Variants in HSPA12A observed in about 807,000 individuals in gnomAD.
HSPA12A encodes heat shock protein family A (Hsp70) member 12A.
HSPA12A carries 28 observed loss-of-function variants against 69.2 expected under a neutral mutation model. The ratio of observed to expected loss-of-function variants is 0.40; its 90% CI spans 0.30 to 0.55. The LOEUF (loss-of-function observed/expected upper bound fraction) is 0.55. HSPA12A is among the 20% of genes least tolerant of loss of function. HSPA12A has a pLI of 0.38. For synonymous variants in HSPA12A, 345 were observed against 370.5 expected, an observed-to-expected ratio of 0.93 and a Z score of 0.79; for missense variants, 686 against 900.7, an observed-to-expected ratio of 0.76 and a Z score of 3.05.
chr10:116,682,468 CA>C (rs1317346897), intron 7 of HSPA12A, among the ~76,000 whole-genome samples: 4 of 149,966 alleles, frequency 2.7e-5, no homozygotes, highest in African/African-American at 1.0e-4. Flanking sequence ...GGGGGGGGGC[CA>C]TTTCCTGACC....
intron 1 of HSPA12A, among the ~76,000 whole-genome samples, chr10:116,732,151 T>C (rs1851171052): frequency 6.6e-6 from 1 of 151,890 alleles, no homozygotes; most frequent in South Asian, 2.1e-4. Flanking sequence ...GCCAACGTGA[T>C]GAAACGCCGT....
At chr10:116,745,983 C>T (rs538951689), upstream of HSPA12A, among the ~76,000 whole-genome samples, 20 of 152,272 alleles carry the variant, frequency 1.3e-4, no homozygotes, top group African/African-American at 4.3e-4. Flanking sequence ...AGGTCACCCA[C>T]CTCCCCCTCT....
intron 1 of HSPA12A, among the ~76,000 whole-genome samples, chr10:116,835,998 G>A (rs1352152777): frequency 1.3e-5 from 2 of 152,084 alleles, no homozygotes; most frequent in African/African-American, 4.8e-5. Flanking sequence ...AAGAGAAAAC[G>A]GCTCATCATG....
chr10:116,699,686 C>T (rs967391643), intron 4 of HSPA12A, among the ~76,000 whole-genome samples: 1 of 152,214 alleles, frequency 6.6e-6, no homozygotes, highest in African/African-American at 2.4e-5. Context: ...GATACCCCAG[C>T]TTTAGGGCAG....
chr10:116,764,219 C>T (rs1302617362), intron 2 of HSPA12A, among the ~76,000 whole-genome samples: 1 of 152,196 alleles, frequency 6.6e-6, no homozygotes, highest in African/African-American at 2.4e-5. Flanking sequence ...TAGATTTATA[C>T]TTTGATCCAG....
intron 2 of HSPA12A, among the ~76,000 whole-genome samples, chr10:116,814,328 A>G (rs1440404456): frequency 6.6e-6 from 1 of 152,180 alleles, no homozygotes; most frequent in Non-Finnish European, 1.5e-5. Flanking sequence ...ATATAAGTGG[A>G]GTTCCCAAGG....
intron 2 of HSPA12A, among the ~76,000 whole-genome samples, chr10:116,752,449 A>G (rs1851795974): frequency 6.6e-6 from 1 of 152,180 alleles, no homozygotes; most frequent in African/African-American, 2.4e-5. Context: ...CTATCCGTCA[A>G]TCATTCTCTC....
In HSPA12A at chr10:116,675,586, GAA is replaced by G. The variant is rs1354358856; in HGVS notation, c.1391-170_1391-169del. 6.6e-5 allele frequency among the ~76,000 whole-genome samples: 10 copies of G among 152,234 alleles called. No individual in the cohort carries two copies. Among genetic ancestry groups the G allele is most frequent in the African/African-American group, 2.4e-4 (10 of 41,466 alleles). On this transcript the variant is annotated intron_variant, in intron 11 of 11. Transcript: ENST00000369209. This position sits in a 1 kb window ranked among gnomAD's most constrained non-coding sequence, Gnocchi z 5.2. ...ATCTTTGCAGAACTGGTCTTTTAAA[GAA>G]AGGGAGTTTGCACACCAATATGTTC...
rs542245157 is a variant in HSPA12A at position 116,774,100 on chromosome 10, C to T, written c.91+60835G>A. ...TCTCTGCTCACTGCAAGCTCCGCCT[C>T]CCGGGTTCACGCCATTCTCCTGCCT... On this transcript the variant is annotated intron_variant, in intron 2 of 12. Coordinates refer to the HSPA12A transcript ENST00000635765. Among the ~76,000 whole-genome samples, 268 of 151,840 alleles carry T rather than the reference C, an allele frequency of 1.8e-3. 2 individuals are homozygous for T. Among genetic ancestry groups the T allele is most frequent in the Admixed American group, 3.8e-3 (58 of 15,268 alleles).
In HSPA12A at chr10:116,827,419, C is replaced by T. The variant is rs549109675; in HGVS notation, c.91+7516G>A. 12 of 152,476 alleles carry T rather than the reference C, an allele frequency of 7.9e-5. No individual in the cohort carries two copies. The East Asian group carries it at 2.1e-3, about 27-fold the overall frequency. The allele number at this position is 152,476 out of a possible 1,614,324, so 9.4% of individuals were successfully genotyped here. Reference sequence around the variant, plus strand: ...CCAGCCACTGCCTCCACACCTACTACAGCCGATTGGCACCTGTAGCCACTG... The same window carrying T: ...CCAGCCACTGCCTCCACACCTACTATAGCCGATTGGCACCTGTAGCCACTG... On this transcript the variant is annotated intron_variant, in intron 2 of 12. Coordinates refer to the HSPA12A transcript ENST00000635765.
chr10:116,743,719 T>A (rs557514561), upstream of HSPA12A, among the ~76,000 whole-genome samples: 4 of 150,748 alleles, frequency 2.7e-5, no homozygotes, highest in South Asian at 8.3e-4. Flanking sequence ...GCGTTATGGA[T>A]GACGGAATGG....
intron 5 of HSPA12A, 183 bp downstream of exon 5, chr10:116,698,452 C>G: frequency 2.2e-6 from 1 of 463,950 alleles, no homozygotes; most frequent in Non-Finnish European, 3.9e-6. Context: ...AGAGGCCGCA[C>G]CATTTTACTT....
intron 1 of HSPA12A, among the ~76,000 whole-genome samples, chr10:116,729,861 C>CAG (rs1231338638): frequency 2.6e-5 from 4 of 152,208 alleles, no homozygotes; most frequent in Non-Finnish European, 4.4e-5. Context: ...CGAAATCTCC[C>CAG]AGCCAGCTCC....
chr10:116,681,862 C>G lies in HSPA12A; in HGVS notation c.851G>C (p.Arg284Pro), dbSNP rs539181870. The G allele has an allele frequency of 5.0e-6, 8 of 1,614,094 alleles. No individual in the cohort carries two copies. Among genetic ancestry groups the G allele is most frequent in the Admixed American group, 1.7e-5 (1 of 60,016 alleles). Residue 284 changes from arginine to proline, a missense_variant, in exon 8 of 12, where the codon CGG becomes CCG. Physicochemically the swap from Arg to Pro is moderately radical, Grantham distance 103. Transcript: ENST00000369209. ...AAAGGTCCGACTCTGCCGATTACGCCGTATGTGTTCCTTAGCTAGTGGCCG... is the reference window on the plus strand; with the variant it reads ...AAAGGTCCGACTCTGCCGATTACGCGGTATGTGTTCCTTAGCTAGTGGCCG... The part of the protein sequence containing the change: ...AGFTQAKEHI[R>P]RNRQSRTFLV...
In HSPA12A at chr10:116,674,588, TA is replaced by T. The variant is rs374186202; in HGVS notation, c.*192del. ...ATTTTCTATGCCTAAACCTTAATCTTAATTTCTGTTTTTCTGACTCCAGTGT... is the reference window on the plus strand; with the variant it reads ...ATTTTCTATGCCTAAACCTTAATCTTATTTCTGTTTTTCTGACTCCAGTGT... On this transcript the variant is annotated 3_prime_UTR_variant, in exon 12 of 12. Transcript: ENST00000369209. 1.4e-5 allele frequency: 9 copies of T among 622,622 alleles called. No individual in the cohort carries two copies. In the African/African-American group the frequency reaches 1.7e-4, roughly 11 times the overall value. 38.6% of individuals were successfully genotyped at this position (622,622 alleles called of 1,614,324 possible).
intron 1 of HSPA12A, among the ~76,000 whole-genome samples, chr10:116,843,738 T>A (rs1006977992): frequency 6.6e-6 from 1 of 152,240 alleles, no homozygotes; most frequent in African/African-American, 2.4e-5. Flanking sequence ...CTTGGCTGCA[T>A]ATTAATCATC....
At chr10:116,819,997 A>AT (rs1441035724) in intron 2 of HSPA12A, among the ~76,000 whole-genome samples, 1 of 151,768 alleles carries the variant, frequency 6.6e-6, no homozygotes, top group Non-Finnish European at 1.5e-5. Flanking sequence ...TAATTTTTGT[A>AT]TTTTTTTGTA....
intron 3 of HSPA12A, 139 bp downstream of exon 3, chr10:116,705,012 T>C: frequency 1.0e-6 from 1 of 960,588 alleles, no homozygotes; most frequent in Non-Finnish European, 1.5e-6. Flanking sequence ...TTGTCCCCAG[T>C]GGCATGGTGA....
intron 2 of HSPA12A, among the ~76,000 whole-genome samples, chr10:116,755,471 G>T (rs899931971): frequency 1.3e-5 from 2 of 151,852 alleles, no homozygotes; most frequent in South Asian, 4.2e-4. Context: ...AACTAGCCAG[G>T]CATGGTGCTG....
Sources: gnomAD v4.1 joint callset for allele counts (sites outside exome capture counted in the v4.1 genomes callset) on GRCh38, gnomAD v4.1.1 for gene constraint, Gnocchi (gnomAD v3.1) non-coding constraint, MANE v1.5 for transcripts, NCBI Gene and HGNC (gene_info 2026-07-23, HGNC 2026-07-21) for gene names.